The following PIK3C2G variants were observed in gnomAD, a reference collection of about 807,000 sequenced individuals.
PIK3C2G encodes the protein phosphatidylinositol-4-phosphate 3-kinase catalytic subunit type 2 gamma, also known as phosphatidylinositol 3-kinase C2 domain-containing subunit gamma.
Under a neutral mutation model 181.1 loss-of-function variants are expected in PIK3C2G, and 168 were observed. The ratio of observed to expected loss-of-function variants is 0.93; its 90% CI spans 0.82 to 1.05. The LOEUF (loss-of-function observed/expected upper bound fraction) is 1.05. Ranked by LOEUF, PIK3C2G falls within the 50% of genes least tolerant of loss-of-function variation. The pLI is 0.00. For missense variants in PIK3C2G, 1,869 were observed against 1,732.8 expected (o/e 1.08, Z -1.40); for synonymous variants, 573 against 592.2 (o/e 0.97, Z 0.47).
intron 18 of PIK3C2G, among the ~76,000 whole-genome samples, chr12:18,471,908 A>G (rs964823924): frequency 1.2e-4 from 18 of 152,102 alleles, no homozygotes; most frequent in Admixed American, 6.6e-4. Flanking sequence ...TTTGGATATT[A>G]ATTAATAATG....
intron 18 of PIK3C2G, among the ~76,000 whole-genome samples, chr12:18,474,506 T>A (rs1592351444): frequency 6.6e-6 from 1 of 152,046 alleles, no homozygotes. Flanking sequence ...GTGAAATTCA[T>A]CAAAAATTTA....
intron 13 of PIK3C2G, among the ~76,000 whole-genome samples, chr12:18,371,836 A>G (rs2137881570): frequency 6.6e-6 from 1 of 152,262 alleles, no homozygotes; most frequent in South Asian, 2.1e-4. Context: ...TTCAACCATA[A>G]ATCTTGGAAA....
chr12:18,314,852 T>C lies in PIK3C2G; in HGVS notation c.1137+788T>C, dbSNP rs78083755. Among the ~76,000 whole-genome samples the C allele has an allele frequency of 8.8e-3, 1,338 of 152,362 alleles. 29 individuals carry two copies. Among genetic ancestry groups the C allele is most frequent in the Middle Eastern group, 0.031 (9 of 294 alleles). On this transcript the variant is annotated intron_variant, in intron 6 of 32. Transcript: ENST00000538779. Reference sequence around the variant, plus strand: ...TAACTTGTTTTCTGTGAAGACTGTTTATGTCAACACAGCTTAAATTAGGAC... The same window carrying C: ...TAACTTGTTTTCTGTGAAGACTGTTCATGTCAACACAGCTTAAATTAGGAC...
At chr12:18,462,652 T>G (rs932086921) in intron 18 of PIK3C2G, among the ~76,000 whole-genome samples, 4 of 152,308 alleles carry the variant, frequency 2.6e-5, no homozygotes, top group African/African-American at 9.6e-5. Flanking sequence ...GTTGTTAGGC[T>G]GCAAGAGAAT....
intron 22 of PIK3C2G, among the ~76,000 whole-genome samples, chr12:18,500,089 C>T (rs1332482698): frequency 6.6e-6 from 1 of 152,208 alleles, no homozygotes; most frequent in African/African-American, 2.4e-5. Flanking sequence ...TGTGGGAGCC[C>T]CTTTCTGGGC....
intron 8 of PIK3C2G, 129 bp from the exon 9 acceptor site, chr12:18,338,297 T>C (rs1287811722): frequency 1.4e-6 from 1 of 706,126 alleles, no homozygotes; most frequent in Non-Finnish European, 2.3e-6. Flanking sequence ...GAACTTTCTT[T>C]TTGTGTGAAA....
chr12:18,597,877 A>T (rs2136515340), intron 30 of PIK3C2G, among the ~76,000 whole-genome samples: 1 of 152,296 alleles, frequency 6.6e-6, no homozygotes, highest in South Asian at 2.1e-4. Context: ...GAGCCAAATC[A>T]TGAGTGAACT....
At chr12:18,452,575 GATCTA>G (rs1947423315) in intron 18 of PIK3C2G, among the ~76,000 whole-genome samples, 1 of 151,354 alleles carries the variant, frequency 6.6e-6, no homozygotes, top group African/African-American at 2.4e-5. Context: ...CTTCAGTTCT[GATCTA>G]ATCTTAGTTA....
intron 18 of PIK3C2G, among the ~76,000 whole-genome samples, chr12:18,441,808 A>T (rs1439532914): frequency 1.3e-5 from 2 of 152,190 alleles, no homozygotes; most frequent in Non-Finnish European, 2.9e-5. Flanking sequence ...AAGTAGGGGT[A>T]CAATGTGCTA....
chr12:18,435,482 C>T (rs1946397382), intron 18 of PIK3C2G, among the ~76,000 whole-genome samples: 1 of 152,062 alleles, frequency 6.6e-6, no homozygotes, highest in Admixed American at 6.6e-5. Flanking sequence ...TGGGTAACCT[C>T]CAGCTGGTTA....
chr12:18,261,606 A>G (rs1948236402), intron 1 of PIK3C2G, 29 bp downstream of exon 1: 1 of 152,148 alleles, frequency 6.6e-6, no homozygotes, highest in Non-Finnish European at 1.5e-5. Flanking sequence ...TAAACTTCCT[A>G]TACTTAACTA....
chr12:18,497,817 G>A (rs1048561545), intron 22 of PIK3C2G, 69 bp downstream of exon 22: 25 of 1,224,038 alleles, frequency 2.0e-5, no homozygotes, highest in African/African-American at 1.4e-4. Flanking sequence ...AATAGGCTAC[G>A]AAACTTTCTC....
intron 1 of PIK3C2G, among the ~76,000 whole-genome samples, chr12:18,254,483 A>G (rs1261414395): frequency 6.6e-6 from 1 of 151,972 alleles, no homozygotes; most frequent in African/African-American, 2.4e-5. Flanking sequence ...TATATATTTT[A>G]TTATAATTTT....
At chr12:18,354,833 T>C (rs1280074303) in intron 11 of PIK3C2G, among the ~76,000 whole-genome samples, 1 of 152,194 alleles carries the variant, frequency 6.6e-6, no homozygotes, top group Non-Finnish European at 1.5e-5. Flanking sequence ...CCCTTCCTTC[T>C]TTCAGCAAAA....
At chr12:18,491,592 T>G in intron 20 of PIK3C2G, 34 bp downstream of exon 20, 1 of 1,226,786 alleles carries the variant, frequency 8.2e-7, no homozygotes, top group Admixed American at 1.8e-5. Flanking sequence ...TAATGGAATA[T>G]TTCTGTTTTG....
At chr12:18,555,206 T>C (rs546383172) in intron 26 of PIK3C2G, among the ~76,000 whole-genome samples, 8 of 152,298 alleles carry the variant, frequency 5.3e-5, no homozygotes, top group Non-Finnish European at 8.8e-5. Context: ...TACGCTGTCA[T>C]AGAAATCTCC....
intron 1 of PIK3C2G, among the ~76,000 whole-genome samples, chr12:18,266,825 C>T (rs1412632630): frequency 6.6e-6 from 1 of 151,774 alleles, no homozygotes; most frequent in African/African-American, 2.4e-5. Flanking sequence ...CTCCCTCCCT[C>T]CCTTCTTCCT....
chr12:18,430,143 C>T (rs970255837), intron 18 of PIK3C2G, among the ~76,000 whole-genome samples: 11 of 152,108 alleles, frequency 7.2e-5, no homozygotes, highest in African/African-American at 2.7e-4. Context: ...GAGAACCTGA[C>T]CTACAATAAG....
chr12:18,598,927 G>A (rs1947537866), intron 30 of PIK3C2G, among the ~76,000 whole-genome samples: 1 of 151,568 alleles, frequency 6.6e-6, no homozygotes, highest in Non-Finnish European at 1.5e-5. Context: ...TCAGAGAAAT[G>A]CAAATCAAAA....
Sources: gnomAD v4.1 joint callset for allele counts (sites outside exome capture counted in the v4.1 genomes callset) on GRCh38, gnomAD v4.1.1 for gene constraint, MANE v1.5 for transcripts, NCBI Gene and HGNC (gene_info 2026-07-23, HGNC 2026-07-21) for gene names.